The following MTAP variants were observed in gnomAD, a reference collection of about 807,000 sequenced individuals.
The protein encoded by MTAP is methylthioadenosine phosphorylase, also known as S-methyl-5'-thioadenosine phosphorylase.
MTAP carries 33 observed loss-of-function variants against 33.6 expected under a neutral mutation model. The ratio of observed to expected loss-of-function variants is 0.98; its 90% CI spans 0.74 to 1.31. The LOEUF (loss-of-function observed/expected upper bound fraction) is 1.31. Among genes scored for constraint, MTAP ranks in the 40% most tolerant of loss-of-function variants. MTAP has a pLI of 0.00. For missense variants in MTAP, 367 were observed against 360.0 expected, an observed-to-expected ratio of 1.02 and a Z score of -0.16; for synonymous variants, 148 against 125.7, an observed-to-expected ratio of 1.18 and a Z score of -1.19.
chr9:21,911,494 TA>T (rs1420544666), intron 1 of MTAP, among the ~76,000 whole-genome samples: 21 of 152,276 alleles, frequency 1.4e-4, no homozygotes, highest in Middle Eastern at 6.8e-3. Context: ...ACCGCTCAAC[TA>T]CATGTAAACT....
chr9:21,827,397 A>G (rs1587219373), intron 4 of MTAP, among the ~76,000 whole-genome samples: 1 of 152,070 alleles, frequency 6.6e-6, no homozygotes, highest in Non-Finnish European at 1.5e-5. Context: ...CCTTTCAGGG[A>G]TTCATTATAA....
At chr9:21,937,995 C>T (rs1051649994), downstream of MTAP, among the ~76,000 whole-genome samples, 7 of 152,076 alleles carry the variant, frequency 4.6e-5, no homozygotes, top group African/African-American at 1.7e-4. Context: ...CCTGGCAGCC[C>T]AGCGTGGTGG....
chr9:21,842,258 A>C (rs1825265934), intron 5 of MTAP, among the ~76,000 whole-genome samples: 1 of 152,178 alleles, frequency 6.6e-6, no homozygotes, highest in Non-Finnish European at 1.5e-5. Flanking sequence ...TTTTAAAAGA[A>C]ATTTGGGTTT....
At chr9:21,880,887 T>A (rs187060420) in intron 1 of MTAP, among the ~76,000 whole-genome samples, 45 of 152,154 alleles carry the variant, frequency 3.0e-4, no homozygotes, top group African/African-American at 9.9e-4. Flanking sequence ...ATGGCATTTT[T>A]TTTGCAGAAA....
intron 1 of MTAP, among the ~76,000 whole-genome samples, chr9:21,904,951 T>C (rs1403887897): frequency 6.6e-6 from 1 of 152,174 alleles, no homozygotes; most frequent in African/African-American, 2.4e-5. Flanking sequence ...CTCACTTCTT[T>C]GGTATCCCGC....
intron 5 of MTAP, among the ~76,000 whole-genome samples, chr9:21,848,163 G>A (rs539236042): frequency 2.0e-5 from 3 of 152,174 alleles, no homozygotes. Flanking sequence ...CAGTTGCCAG[G>A]CAAGATAATG....
intron 4 of MTAP, among the ~76,000 whole-genome samples, chr9:21,830,910 G>C (rs571716648): frequency 1.3e-5 from 2 of 152,144 alleles, no homozygotes; most frequent in South Asian, 2.1e-4. Flanking sequence ...TGTAAAGCTC[G>C]ACTTCGATGA....
chr9:21,901,449 TTTGA>T (rs1430101350), intron 1 of MTAP, among the ~76,000 whole-genome samples: 6 of 152,284 alleles, frequency 3.9e-5, no homozygotes, highest in South Asian at 2.1e-4. Flanking sequence ...CTAATGACAC[TTTGA>T]TTGACTATCT....
chr9:21,818,224 T>C (rs1181477183), intron 4 of MTAP, 22 bp downstream of exon 4: 2 of 1,610,080 alleles, frequency 1.2e-6, no homozygotes, highest in Admixed American at 1.7e-5. Context: ...TACAAAATGC[T>C]TTAGGCTATT....
intron 4 of MTAP, among the ~76,000 whole-genome samples, chr9:21,819,885 T>C (rs1563833015): frequency 6.6e-6 from 1 of 152,240 alleles, no homozygotes; most frequent in African/African-American, 2.4e-5. Flanking sequence ...ATTTCTCTGA[T>C]GGCCAGTGAT....
chr9:21,803,345 T>G (rs1824116075), intron 1 of MTAP: 1 of 166,956 alleles, frequency 6.0e-6, no homozygotes, highest in Non-Finnish European at 1.3e-5. Context: ...AACGTAGGCC[T>G]TCTCCGCGCT....
At position 21,909,603 on chromosome 9, in the gene MTAP, T is replaced by G. The variant is rs146031201; in HGVS notation, c.148-21405T>G. Among the ~76,000 whole-genome samples the G allele has an allele frequency of 4.5e-3, 685 of 152,234 alleles. 5 individuals carry two copies. Among genetic ancestry groups the G allele is most frequent in the African/African-American group, 0.015 (606 of 41,546 alleles). ...TGAATTTGTTGTGTAAGAGGCATAC[T>G]AAGCTAATAAGTAAGCCTAGATGCC... On this transcript the variant is annotated intron_variant, in intron 1 of 1. Transcript: ENST00000577563.
At chr9:21,829,540 C>T (rs905411954) in intron 4 of MTAP, among the ~76,000 whole-genome samples, 5 of 151,876 alleles carry the variant, frequency 3.3e-5, no homozygotes, top group Admixed American at 3.3e-4. Context: ...GGCTCCTTTT[C>T]CCTACACTGC....
chr9:21,915,094 TTTTC>T (rs1818665706), intron 1 of MTAP, among the ~76,000 whole-genome samples: 1 of 138,078 alleles, frequency 7.2e-6, no homozygotes, highest in African/African-American at 3.0e-5. Flanking sequence ...CCTTTCTTTC[TTTTC>T]TTTCGGCAGA....
chr9:21,816,954 G>T (rs1385123575), intron 3 of MTAP, among the ~76,000 whole-genome samples, 182 bp downstream of exon 3: 6 of 152,206 alleles, frequency 3.9e-5, no homozygotes, highest in Non-Finnish European at 8.8e-5. Flanking sequence ...GGAGATCAAA[G>T]ATCTCATGCT....
At chr9:21,824,167 G>C (rs1297088808) in intron 4 of MTAP, among the ~76,000 whole-genome samples, 2 of 152,210 alleles carry the variant, frequency 1.3e-5, no homozygotes, top group Non-Finnish European at 2.9e-5. Flanking sequence ...CTTTGGAGGG[G>C]GAGAGGTGCT....
chr9:21,821,125 C>T (rs1429520852), intron 4 of MTAP, among the ~76,000 whole-genome samples: 1 of 152,176 alleles, frequency 6.6e-6, no homozygotes, highest in African/African-American at 2.4e-5. Flanking sequence ...CATCTTTCTC[C>T]TGCCTGATTG....
chr9:21,908,369 A>G (rs1818507527), intron 1 of MTAP, among the ~76,000 whole-genome samples: 1 of 152,098 alleles, frequency 6.6e-6, no homozygotes, highest in African/African-American at 2.4e-5. Context: ...GTTGGAGGAC[A>G]TTTGTGTGTT....
chr9:21,868,720 C>G (rs1395983127), downstream of MTAP, among the ~76,000 whole-genome samples: 3 of 152,184 alleles, frequency 2.0e-5, no homozygotes, highest in African/African-American at 7.2e-5. Flanking sequence ...ACAGACAGAA[C>G]TGAAGCATCA....
Sources: allele counts gnomAD v4.1 joint callset (sites outside exome capture counted in the v4.1 genomes callset), GRCh38; gene constraint gnomAD v4.1.1; transcripts MANE v1.5; gene names NCBI Gene and HGNC (gene_info 2026-07-23, HGNC 2026-07-21).